The following NLRP1 variants were observed in gnomAD, a reference collection of about 807,000 sequenced individuals.
NLRP1 encodes NACHT, LRR and PYD domains-containing protein 1.
Under a neutral mutation model 136.7 loss-of-function variants are expected in NLRP1, and 94 were observed. The observed-to-expected ratio is 0.69, with a 90% CI of 0.58 to 0.82. NLRP1 has a LOEUF of 0.82. Among genes scored for constraint, NLRP1 ranks in the 40% least tolerant of loss-of-function variants. NLRP1 has a pLI of 0.00. For synonymous variants in NLRP1, 690 were observed against 725.1 expected (o/e 0.95, Z 0.78); for missense variants, 1,575 against 1,802.7 (o/e 0.87, Z 2.29).
At chr17:5,509,553 G>C (rs1907518495), downstream of NLRP1, among the ~76,000 whole-genome samples, 1 of 152,328 alleles carries the variant, frequency 6.6e-6, no homozygotes, top group Non-Finnish European at 1.5e-5. Context: ...AGAGTGCCTG[G>C]TGGAAGCATT....
At chr17:5,526,613 T>TG (rs559981851) in intron 12 of NLRP1, among the ~76,000 whole-genome samples, 3 of 151,644 alleles carry the variant, frequency 2.0e-5, no homozygotes, top group Non-Finnish European at 4.4e-5. Flanking sequence ...CTGAAGGAGA[T>TG]GGGTGGGTGG....
rs71368560 is a variant in NLRP1, at chr17:5,542,546, G to A, written c.2529-519C>T. 1.0e-2 allele frequency among the ~76,000 whole-genome samples: 1,514 copies of A among 152,124 alleles called. 22 individuals carry two copies. Among genetic ancestry groups the A allele is most frequent in the Middle Eastern group, 0.017 (5 of 294 alleles). On this transcript the variant is annotated intron_variant, in intron 5 of 16. Coordinates refer to ENST00000572272, the MANE Select transcript of NLRP1 (RefSeq NM_033004.4). ...AGTCGCTTTGGTGACATCTTGCCTCGTCTCTCCACTTAAAATTGCACACCC... is the reference window on the plus strand; with the variant it reads ...AGTCGCTTTGGTGACATCTTGCCTCATCTCTCCACTTAAAATTGCACACCC...
intron 3 of NLRP1, among the ~76,000 whole-genome samples, chr17:5,579,539 C>T (rs11653896): frequency 0.097 from 14,814 of 152,168 alleles, 1,053 homozygotes; most frequent in East Asian, 0.33. Context: ...TCGCGATTTG[C>T]CAAAGAACTC....
In NLRP1 at chr17:5,537,787, A is replaced by G. The variant is rs12940946; in HGVS notation, c.2871-847T>C. Among the ~76,000 whole-genome samples the G allele has an allele frequency of 0.048, 7,247 of 152,286 alleles. 198 individuals carry two copies. The highest frequency in any genetic ancestry group is 0.088 in the Middle Eastern group (26 of 294). On this transcript the variant is annotated intron_variant, in intron 7 of 16. Transcript: ENST00000572272. This position sits in a 1 kb window ranked among gnomAD's most constrained non-coding sequence, Gnocchi z 4.5. ...GGGACTCTAGAGAGCAAACCCCCTCAGAAGCAGCCCAGGTTTGACAGGTAA... is the reference window on the plus strand; with the variant it reads ...GGGACTCTAGAGAGCAAACCCCCTCGGAAGCAGCCCAGGTTTGACAGGTAA...
In NLRP1 at chr17:5,532,049, C is replaced by G. The variant is rs1910349896; in HGVS notation, c.3296+773G>C. On this transcript the variant is annotated intron_variant, in intron 11 of 16. Transcript: ENST00000572272. ...TCTGAGGTCAGGAGTTCGAGACCAGCCTGTCCAATATGGTGAAACCCCCAT... is the reference window on the plus strand; with the variant it reads ...TCTGAGGTCAGGAGTTCGAGACCAGGCTGTCCAATATGGTGAAACCCCCAT... 3.9e-5 allele frequency among the ~76,000 whole-genome samples: 6 copies of G among 152,286 alleles called. No homozygotes were observed. In the South Asian group the frequency reaches 1.2e-3, roughly 32 times the overall value.
chr17:5,553,304 C>T, intron 5 of NLRP1, 82 bp downstream of exon 5: 1 of 1,296,554 alleles, frequency 7.7e-7, no homozygotes. Flanking sequence ...AATACAAAGA[C>T]AAATCCCTCA....
chr17:5,517,061 C>T (rs1033619854), intron 15 of NLRP1, among the ~76,000 whole-genome samples: 4 of 152,154 alleles, frequency 2.6e-5, no homozygotes, highest in Admixed American at 1.3e-4. Flanking sequence ...ATTGCCAAAT[C>T]GGTTTAACCC....
intron 3 of NLRP1, among the ~76,000 whole-genome samples, chr17:5,574,692 C>T (rs8080002): frequency 0.017 from 2,501 of 146,196 alleles, 60 homozygotes; most frequent in African/African-American, 0.06. Flanking sequence ...GATGGAGTCT[C>T]GCTCTGTCAC....
In NLRP1 at chr17:5,524,437, T is replaced by C. The variant is rs567371604; in HGVS notation, c.3521-2651A>G. ...GCTTCCAACTTTTCACCATGATAAATAGCACCTGCAATGCACATATTCTGC... is the reference window on the plus strand; with the variant it reads ...GCTTCCAACTTTTCACCATGATAAACAGCACCTGCAATGCACATATTCTGC... On this transcript the variant is annotated intron_variant, in intron 12 of 16. Transcript: ENST00000572272. Among the ~76,000 whole-genome samples the C allele has an allele frequency of 4.6e-4, 70 of 152,328 alleles. No individual in the cohort carries two copies. In the South Asian group the frequency reaches 0.013, roughly 27 times the overall value.
At chr17:5,546,858 A>G (rs71368181) in intron 5 of NLRP1, among the ~76,000 whole-genome samples, 7,195 of 152,264 alleles carry the variant, frequency 0.047, 199 homozygotes, top group Middle Eastern at 0.085. Context: ...GTAAGGCTGT[A>G]CACTCTTCCA....
intron 8 of NLRP1, among the ~76,000 whole-genome samples, chr17:5,535,837 G>A (rs1398926844): frequency 2.0e-5 from 3 of 152,240 alleles, no homozygotes; most frequent in South Asian, 2.1e-4. Flanking sequence ...GGGAGAATGT[G>A]GGAGCTGCAG....
In NLRP1 at chr17:5,542,278, G is replaced by A. The variant is rs187370043; in HGVS notation, c.2529-251C>T. 1.3e-4 allele frequency among the ~76,000 whole-genome samples: 20 copies of A among 151,930 alleles called. No individual in the cohort carries two copies. The East Asian group carries it at 2.0e-3, about 15-fold the overall frequency. Reference sequence around the variant, plus strand: ...CCACATTACTCAGAATACAATTCACGGTCCTTTTCCTGGTCTACAGGGCTC... The same window carrying A: ...CCACATTACTCAGAATACAATTCACAGTCCTTTTCCTGGTCTACAGGGCTC... On this transcript the variant is annotated intron_variant, in intron 5 of 16. Coordinates refer to ENST00000572272, the MANE Select transcript of NLRP1 (RefSeq NM_033004.4).
At chr17:5,542,582 TC>T (rs1204382807) in intron 5 of NLRP1, among the ~76,000 whole-genome samples, 1 of 152,116 alleles carries the variant, frequency 6.6e-6, no homozygotes, top group Non-Finnish European at 1.5e-5. Flanking sequence ...ATCCCCAGAC[TC>T]CCTGCTCCTT....
chr17:5,560,423 T>C (rs1418502897), intron 3 of NLRP1, among the ~76,000 whole-genome samples: 1 of 151,918 alleles, frequency 6.6e-6, no homozygotes, highest in Non-Finnish European at 1.5e-5. Context: ...AAGCTGGGGG[T>C]TGTAGGTCAT....
At chr17:5,580,351 C>T (rs765200787) in intron 3 of NLRP1, among the ~76,000 whole-genome samples, 17 of 152,170 alleles carry the variant, frequency 1.1e-4, no homozygotes, top group Non-Finnish European at 2.5e-4. Context: ...ATAATCTGTA[C>T]ACCAAACACT....
intron 3 of NLRP1, among the ~76,000 whole-genome samples, chr17:5,580,330 TG>T (rs960495458): frequency 1.3e-5 from 2 of 152,154 alleles, no homozygotes; most frequent in Admixed American, 1.3e-4. Flanking sequence ...GCTTATTACC[TG>T]GGCGACAAGA....
chr17:5,563,356 C>T (rs1914973809), intron 3 of NLRP1, among the ~76,000 whole-genome samples: 1 of 152,144 alleles, frequency 6.6e-6, no homozygotes, highest in Admixed American at 6.5e-5. Context: ...AGTCAAAATC[C>T]AGTCCAAGCA....
rs1597493524 is a variant in NLRP1 at position 5,583,478 on chromosome 17, G to A, written c.271+209C>T. On this transcript the variant is annotated intron_variant, in intron 1 of 16. Transcript: ENST00000572272. The surrounding 1 kb of genome is among the most constrained non-coding windows in gnomAD (Gnocchi z 4.5). ...ATGCACTTGAATAGAAGAGGGTGTG[G>A]GGCTCTGAGGTGCAGCAAGGGCCCC... is the stretch of plus-strand genomic sequence containing the variant. Among the ~76,000 whole-genome samples, 1 of 152,136 alleles carries A rather than the reference G, an allele frequency of 6.6e-6. No individual in the cohort carries two copies. The highest frequency in any genetic ancestry group is 2.4e-5 in the African/African-American group (1 of 41,422).
downstream of NLRP1, among the ~76,000 whole-genome samples, chr17:5,509,170 C>T (rs189485366): frequency 2.8e-4 from 43 of 152,368 alleles, no homozygotes; most frequent in Non-Finnish European, 4.9e-4. Flanking sequence ...TTCAAGTTCT[C>T]TCCAACAGTC....
Sources: gnomAD v4.1 joint callset for allele counts (sites outside exome capture counted in the v4.1 genomes callset) on GRCh38, gnomAD v4.1.1 for gene constraint, Gnocchi (gnomAD v3.1) non-coding constraint, MANE v1.5 for transcripts, NCBI Gene and HGNC (gene_info 2026-07-23, HGNC 2026-07-21) for gene names.